The following USP45 variants were observed in gnomAD, a reference collection of about 807,000 sequenced individuals.
The protein encoded by USP45 is ubiquitin carboxyl-terminal hydrolase 45.
Under a neutral mutation model 95.8 loss-of-function variants are expected in USP45, and 89 were observed. The observed-to-expected ratio is 0.93, with a 90% confidence interval of 0.78 to 1.11. The LOEUF (loss-of-function observed/expected upper bound fraction) is 1.11, where lower values mean the gene tolerates loss of function less well. Ranked by LOEUF, USP45 falls within the 50% of genes least tolerant of loss-of-function variation. The probability of loss-of-function intolerance (pLI) is 0.00; values close to 1 mark genes in which losing one functional copy is unlikely to be tolerated. For synonymous variants in USP45, 281 were observed against 316.2 expected, an observed-to-expected ratio of 0.89 and a Z score of 1.18; for missense variants, 898 against 942.5, an observed-to-expected ratio of 0.95 and a Z score of 0.62.
In USP45 at chr6:99,476,173, A is replaced by G; in HGVS notation, c.903T>C (p.Leu301=). 1 of 1,614,038 alleles carries G rather than the reference A, an allele frequency of 6.2e-7. No individual in the cohort carries two copies. The highest frequency in any genetic ancestry group is 1.1e-5 in the South Asian group (1 of 91,084). The stretch of plus-strand genomic sequence containing the variant: ...TTTCTTCTGTCCTCACTGCATCCAG[A>G]AGATAATGAAGAAGCTCCTGACTGT... ...QQDSQELLHY[L]LDAVRTEETK... The change falls in exon 9 of 18, where the codon CTT becomes CTC. Residue 301 remains leucine, a synonymous_variant. Transcript: ENST00000500704.
chr6:99,495,290 C>T lies in USP45; in HGVS notation c.479-6470G>A, dbSNP rs145475711. ...GTTTATCACAGGAGAAAATTGAAAA[C>T]AACCAATAGTGGGTTTGTTGTGAAG... On this transcript the variant is annotated intron_variant, in intron 5 of 17. Coordinates refer to ENST00000500704, the MANE Select transcript of USP45 (RefSeq NM_001346022.3). Among the ~76,000 whole-genome samples, 273 of 152,272 alleles carry T rather than the reference C, an allele frequency of 1.8e-3. 2 individuals are homozygous for T. Among genetic ancestry groups the T allele is most frequent in the East Asian group, 5.8e-3 (30 of 5,176 alleles).
At position 99,466,690 on chromosome 6, in the gene USP45, C is replaced by T. The variant is rs1354535134; in HGVS notation, c.1089G>A (p.Met363Ile). The T allele has an allele frequency of 1.9e-6, 3 of 1,613,340 alleles. No homozygotes were observed. The highest frequency in any genetic ancestry group is 1.7e-4 in the Middle Eastern group (1 of 6,056). Residue 363 changes from methionine (M) to isoleucine (I), a missense_variant, in exon 11 of 18, where the codon ATG (methionine) becomes ATA (isoleucine). Physicochemically the swap from Met to Ile is conservative, Grantham distance 10. Coordinates refer to ENST00000500704, the MANE Select transcript of USP45 (RefSeq NM_001346022.3). Reference sequence around the variant, plus strand: ...TACCTACATTTGCACATTCTTCACACATGACCGTGCTAGTTAATTCACCAA... The same window carrying T: ...TACCTACATTTGCACATTCTTCACATATGACCGTGCTAGTTAATTCACCAA... ...IFIGELTSTV[M>I]CEECANISTV...
chr6:99,463,362 C>T (rs369165343), intron 13 of USP45, among the ~76,000 whole-genome samples: 2 of 151,986 alleles, frequency 1.3e-5, no homozygotes, highest in East Asian at 3.9e-4. Flanking sequence ...AGTTTTCTTG[C>T]TAAAAATTAA....
intron 16 of USP45, among the ~76,000 whole-genome samples, chr6:99,438,047 A>G (rs1780832073): frequency 6.6e-6 from 1 of 152,238 alleles, no homozygotes; most frequent in African/African-American, 2.4e-5. Context: ...GATCCCACAA[A>G]TACATGAGCA....
rs1783446725 is a variant in USP45, at chr6:99,449,810, C to A, written c.1309-3347G>T. Among the ~76,000 whole-genome samples the A allele has an allele frequency of 5.3e-5, 8 of 152,286 alleles. No individual in the cohort carries two copies. The South Asian group carries it at 1.7e-3, about 32-fold the overall frequency. On this transcript the variant is annotated intron_variant, in intron 13 of 17. Coordinates refer to ENST00000500704, the MANE Select transcript of USP45 (RefSeq NM_001346022.3). ...GCACTCCTCAGCAAATGTAAAAGAA[C>A]AGAAATTATAACAAATTGTCTCTCA...
chr6:99,495,096 TA>T (rs1350979620), intron 5 of USP45, among the ~76,000 whole-genome samples: 1 of 152,160 alleles, frequency 6.6e-6, no homozygotes, highest in East Asian at 1.9e-4. Flanking sequence ...AACTGAACTA[TA>T]AACAAAGTTA....
At chr6:99,457,544 T>C (rs1299561801) in intron 13 of USP45, among the ~76,000 whole-genome samples, 1 of 152,212 alleles carries the variant, frequency 6.6e-6, no homozygotes, top group Non-Finnish European at 1.5e-5. Context: ...ATATCACATA[T>C]ACCTCATAAA....
At chr6:99,511,841 G>GTATATATATA (rs1233019298) in intron 1 of USP45, among the ~76,000 whole-genome samples, 1 of 133,548 alleles carries the variant, frequency 7.5e-6, no homozygotes, top group Non-Finnish European at 1.6e-5. Flanking sequence ...GTATGTGAGT[G>GTATATATATA]TGTGTATATA....
intron 12 of USP45, 110 bp downstream of exon 12, chr6:99,464,970 T>C (rs552037998): frequency 9.9e-6 from 10 of 1,010,896 alleles, no homozygotes; most frequent in South Asian, 2.1e-5. Flanking sequence ...AACTCAATTA[T>C]ATATAAAAAA....
intron 14 of USP45, 51 bp from the exon 15 acceptor site, chr6:99,443,713 C>A: frequency 1.7e-6 from 2 of 1,168,468 alleles, no homozygotes; most frequent in South Asian, 1.8e-5. Context: ...TATACATTAT[C>A]TACCATATAA....
At position 99,435,649 on chromosome 6, in the gene USP45, T is replaced by C; in HGVS notation, c.*67A>G. 5 of 1,387,380 alleles carry C rather than the reference T, an allele frequency of 3.6e-6. No homozygotes were observed. The highest frequency in any genetic ancestry group is 4.9e-6 in the Non-Finnish European group (5 of 1,019,420). 85.9% of individuals were successfully genotyped at this position (1,387,380 alleles called of 1,614,324 possible). ...GAAGAGGGAAGACTAGAAAGGCACA[T>C]TATATATTATAGTTATCACTGTGGC... On this transcript the variant is annotated 3_prime_UTR_variant, in exon 18 of 18. Transcript: ENST00000500704.
At chr6:99,459,981 A>G (rs912544284) in intron 13 of USP45, among the ~76,000 whole-genome samples, 1 of 152,170 alleles carries the variant, frequency 6.6e-6, no homozygotes, top group African/African-American at 2.4e-5. Context: ...TGCCTCACAT[A>G]ATTTTCCAAT....
chr6:99,455,384 G>A lies in USP45; in HGVS notation c.1309-8921C>T, dbSNP rs142785899. Among the ~76,000 whole-genome samples, 432 of 152,294 alleles carry A rather than the reference G, an allele frequency of 2.8e-3. 2 individuals carry two copies. The highest frequency in any genetic ancestry group is 9.8e-3 in the African/African-American group (408 of 41,562). ...GAGAATCACTTGAACCCAGGAGGAA[G>A]AGGTTGCAGTGAGCTGAGACTGTGC... On this transcript the variant is annotated intron_variant, in intron 13 of 17. Coordinates refer to ENST00000500704, the MANE Select transcript of USP45 (RefSeq NM_001346022.3).
chr6:99,458,031 A>G (rs537614847), intron 13 of USP45, among the ~76,000 whole-genome samples: 9 of 152,228 alleles, frequency 5.9e-5, no homozygotes, highest in East Asian at 5.8e-4. Flanking sequence ...TACTATTAGT[A>G]TTATTTTGAG....
At chr6:99,456,531 T>C (rs916838407) in intron 13 of USP45, among the ~76,000 whole-genome samples, 4 of 152,172 alleles carry the variant, frequency 2.6e-5, no homozygotes, top group African/African-American at 4.8e-5. Flanking sequence ...TTCCCCAAAT[T>C]AATACTTTTA....
rs766383372 is a variant in USP45 at position 99,468,712 on chromosome 6, T to C, written c.934-94A>G. On this transcript the variant is annotated intron_variant, in intron 9 of 17. Coordinates refer to ENST00000500704, the MANE Select transcript of USP45 (RefSeq NM_001346022.3). ...TACTTTCAAACAGCAAGGTACACTG[T>C]GGATTTCAGTTCCCTAGTTTGAAAA... 2.9e-4 allele frequency: 203 copies of C among 702,724 alleles called. 1 individual carries two copies. The Admixed American group carries it at 3.5e-3, about 12-fold the overall frequency. 43.5% of individuals were successfully genotyped at this position (702,724 alleles called of 1,614,324 possible). A position where few individuals can be genotyped will look rare whatever the true frequency, so the allele number is the denominator to read the frequency against.
intron 13 of USP45, among the ~76,000 whole-genome samples, chr6:99,456,656 T>C (rs1562330442): frequency 6.6e-6 from 1 of 152,234 alleles, no homozygotes; most frequent in Non-Finnish European, 1.5e-5. Flanking sequence ...TGTCTTTACT[T>C]TAATCTCTTA....
At chr6:99,487,254 G>T (rs986886457) in intron 7 of USP45, among the ~76,000 whole-genome samples, 1 of 152,142 alleles carries the variant, frequency 6.6e-6, no homozygotes, top group African/African-American at 2.4e-5. Context: ...CTGAAGGAGG[G>T]TGTTTCAGAT....
upstream of USP45, among the ~76,000 whole-genome samples, chr6:99,516,270 T>C (rs1801103563): frequency 6.6e-6 from 1 of 152,236 alleles, no homozygotes; most frequent in Non-Finnish European, 1.5e-5. Flanking sequence ...GCACATTGCA[T>C]GTTTAGTAAA....
Sources: allele counts gnomAD v4.1 joint callset (sites outside exome capture counted in the v4.1 genomes callset), GRCh38; gene constraint gnomAD v4.1.1; transcripts MANE v1.5; gene names NCBI Gene and HGNC (gene_info 2026-07-23, HGNC 2026-07-21).